SLC20A2: variants seen among roughly 807,000 people sequenced by gnomAD.
The protein encoded by SLC20A2 is sodium-dependent phosphate transporter 2.
A neutral mutation model predicts 61.0 loss-of-function variants in SLC20A2; 30 were observed. That is an observed-to-expected ratio of 0.49 (90% confidence interval 0.37 to 0.67). The LOEUF (loss-of-function observed/expected upper bound fraction) is 0.67. Ranked by LOEUF, SLC20A2 falls within the 30% of genes least tolerant of loss-of-function variation. The pLI is 0.00. For synonymous variants in SLC20A2, 351 were observed against 353.3 expected, an observed-to-expected ratio of 0.99 and a Z score of 0.07; for missense variants, 626 against 866.4, an observed-to-expected ratio of 0.72 and a Z score of 3.48.
chr8:42,453,961 C>T lies in SLC20A2; in HGVS notation c.613+5935G>A, dbSNP rs879805765. ...CCGTCCATGGTTCAGCAGATACTGG[C>T]GGCCAACTTAAGGGACTTGAATATC... is the stretch of plus-strand genomic sequence containing the variant. On this transcript the variant is annotated intron_variant, in intron 5 of 10. Transcript: ENST00000520262. 9.2e-5 allele frequency among the ~76,000 whole-genome samples: 14 copies of T among 152,218 alleles called. No individual in the cohort carries two copies. The East Asian group carries it at 9.7e-4, about 11-fold the overall frequency.
chr8:42,452,963 C>T (rs1470649005), intron 5 of SLC20A2, among the ~76,000 whole-genome samples: 1 of 152,200 alleles, frequency 6.6e-6, no homozygotes, highest in Non-Finnish European at 1.5e-5. Flanking sequence ...GGTTCTCAAA[C>T]TGTAACATGC....
Position 42,541,358 on chromosome 8 carries a change from C to G in SLC20A2, c.-265+463G>C. 1.4e-5 allele frequency: 2 copies of G among 147,920 alleles called. 1 individual carries two copies. Among genetic ancestry groups the G allele is most frequent in the East Asian group, 4.0e-4 (2 of 5,024 alleles). The allele number at this position is 147,920 out of a possible 1,614,324, so 9.2% of individuals were successfully genotyped here. ...CAGCCCTGGCCCCCACCCGCGGGAG[C>G]CCGGGAGTCGGGCCGGGGGCTCGCG... On this transcript the variant is annotated intron_variant, in intron 1 of 10. Transcript: ENST00000342228.
chr8:42,419,940 C>G (rs1802930348), intron 10 of SLC20A2, among the ~76,000 whole-genome samples: 1 of 152,216 alleles, frequency 6.6e-6, no homozygotes, highest in Non-Finnish European at 1.5e-5. Context: ...GTAATCCCAG[C>G]ACTTTGGGAG....
chr8:42,430,290 A>C (rs1402685871), intron 8 of SLC20A2, 41 bp from the exon 9 acceptor site: 1 of 1,539,380 alleles, frequency 6.5e-7, no homozygotes, highest in Admixed American at 1.9e-5. Context: ...TATATATGCA[A>C]GCGGCAATGT....
At chr8:42,426,872 C>A (rs990198469) in intron 10 of SLC20A2, among the ~76,000 whole-genome samples, 4 of 152,202 alleles carry the variant, frequency 2.6e-5, no homozygotes, top group African/African-American at 9.6e-5. Flanking sequence ...AAGCCCGTGT[C>A]CTTGGAAAAG....
intron 8 of SLC20A2, 29 bp downstream of exon 8, chr8:42,436,960 T>C (rs1275528587): frequency 6.4e-6 from 10 of 1,563,820 alleles, no homozygotes; most frequent in Non-Finnish European, 8.7e-6. Flanking sequence ...TCAAGGACCC[T>C]TGTTGAATGA....
At chr8:42,491,687 C>T (rs974006370) in intron 1 of SLC20A2, among the ~76,000 whole-genome samples, 2 of 151,846 alleles carry the variant, frequency 1.3e-5, no homozygotes, top group African/African-American at 4.8e-5. Flanking sequence ...AAAAAAGTCA[C>T]TCTATTTCTC....
At chr8:42,438,285 G>A (rs901074449) in intron 7 of SLC20A2, among the ~76,000 whole-genome samples, 5 of 152,150 alleles carry the variant, frequency 3.3e-5, no homozygotes, top group East Asian at 1.9e-4. Context: ...AACCCACTTC[G>A]TGTGAGGTAG....
At chr8:42,458,391 T>G (rs1022816979) in intron 5 of SLC20A2, among the ~76,000 whole-genome samples, 4 of 149,980 alleles carry the variant, frequency 2.7e-5, no homozygotes, top group African/African-American at 9.8e-5. Flanking sequence ...TTTGGGAAGC[T>G]GAGGCAGGAG....
intron 7 of SLC20A2, among the ~76,000 whole-genome samples, chr8:42,438,456 A>T (rs942556456): frequency 9.9e-5 from 15 of 152,142 alleles, no homozygotes; most frequent in Non-Finnish European, 1.9e-4. Flanking sequence ...ACAGGTGTGC[A>T]CCATCATCCA....
At chr8:42,434,597 C>T (rs373248838) in intron 8 of SLC20A2, among the ~76,000 whole-genome samples, 8 of 152,200 alleles carry the variant, frequency 5.3e-5, no homozygotes, top group African/African-American at 1.9e-4. Flanking sequence ...CTGAGAGACA[C>T]CCGCCCCTGG....
chr8:42,526,477 T>C (rs1586271564), intron 1 of SLC20A2, among the ~76,000 whole-genome samples: 1 of 151,850 alleles, frequency 6.6e-6, no homozygotes, highest in East Asian at 1.9e-4. Flanking sequence ...ATCGAGACCC[T>C]CCTGGCTAAC....
At chr8:42,419,876 T>C (rs760979688) in intron 10 of SLC20A2, among the ~76,000 whole-genome samples, 12 of 152,178 alleles carry the variant, frequency 7.9e-5, no homozygotes, top group Non-Finnish European at 1.6e-4. Flanking sequence ...TGAATTTCAC[T>C]CTCTCTAGCT....
chr8:42,539,619 T>C (rs1812934172), intron 1 of SLC20A2, among the ~76,000 whole-genome samples: 1 of 152,256 alleles, frequency 6.6e-6, no homozygotes, highest in South Asian at 2.1e-4. Flanking sequence ...TCCACTGTTT[T>C]TTATTTTTTT....
intron 5 of SLC20A2, among the ~76,000 whole-genome samples, chr8:42,449,323 C>G (rs1425189605): frequency 6.6e-6 from 1 of 152,192 alleles, no homozygotes; most frequent in Non-Finnish European, 1.5e-5. Flanking sequence ...AAATGTCAAG[C>G]GCCTTTCATT....
chr8:42,538,590 A>G (rs1812858653), intron 1 of SLC20A2, among the ~76,000 whole-genome samples: 1 of 152,230 alleles, frequency 6.6e-6, no homozygotes, highest in Admixed American at 6.5e-5. Flanking sequence ...AAAGGTTTAC[A>G]TAGCACTCTC....
chr8:42,531,977 C>A (rs796407844), intron 1 of SLC20A2, among the ~76,000 whole-genome samples: 5 of 128,936 alleles, frequency 3.9e-5, no homozygotes, highest in African/African-American at 1.5e-4. Context: ...TGCCACCACG[C>A]CTGGCTAATT....
chr8:42,433,722 G>A (rs1173053058), intron 8 of SLC20A2, among the ~76,000 whole-genome samples: 2 of 152,258 alleles, frequency 1.3e-5, no homozygotes, highest in Non-Finnish European at 2.9e-5. Flanking sequence ...TAATATTCCA[G>A]TGTATGCATG....
At chr8:42,507,178 G>A (rs183475791) in intron 1 of SLC20A2, among the ~76,000 whole-genome samples, 15 of 152,122 alleles carry the variant, frequency 9.9e-5, no homozygotes, top group South Asian at 2.1e-4. Flanking sequence ...TTGTTTTTTT[G>A]AGCCACTAGT....
Sources: gnomAD v4.1 joint callset for allele counts (sites outside exome capture counted in the v4.1 genomes callset) on GRCh38, gnomAD v4.1.1 for gene constraint, MANE v1.5 for transcripts, NCBI Gene and HGNC (gene_info 2026-07-23, HGNC 2026-07-21) for gene names.